COLEC11: variants seen among roughly 807,000 people sequenced by gnomAD.
The protein encoded by COLEC11 is collectin-11.
A neutral mutation model predicts 27.3 loss-of-function variants in COLEC11; 20 were observed. The ratio of observed to expected loss-of-function variants is 0.73; its 90% confidence interval spans 0.51 to 1.06. COLEC11 has a LOEUF of 1.06. Among genes scored for constraint, COLEC11 ranks in the 50% least tolerant of loss-of-function variants. COLEC11 has a pLI of 0.00. For synonymous variants in COLEC11, 163 were observed against 154.7 expected, an observed-to-expected ratio of 1.05 and a Z score of -0.40; for missense variants, 310 against 383.0, an observed-to-expected ratio of 0.81 and a Z score of 1.59.
chr2:3,624,032 C>A (rs970702141), intron 3 of COLEC11, among the ~76,000 whole-genome samples: 1 of 152,184 alleles, frequency 6.6e-6, no homozygotes, highest in Non-Finnish European at 1.5e-5. Flanking sequence ...TGTGGATGCA[C>A]CTGCTCCACA....
chr2:3,634,877 G>C (rs1456253340), intron 3 of COLEC11, among the ~76,000 whole-genome samples: 1 of 151,094 alleles, frequency 6.6e-6, no homozygotes, highest in Non-Finnish European at 1.5e-5. Context: ...ACCTGGTCCC[G>C]GCCCTGCCCA....
At chr2:3,622,300 C>T (rs2147912109) in intron 3 of COLEC11, among the ~76,000 whole-genome samples, 1 of 152,212 alleles carries the variant, frequency 6.6e-6, no homozygotes, top group African/African-American at 2.4e-5. Flanking sequence ...TGCACTCCAG[C>T]CTGGGTGAGA....
intron 3 of COLEC11, among the ~76,000 whole-genome samples, chr2:3,626,684 G>GT (rs1261576135): frequency 2.6e-5 from 4 of 152,246 alleles, no homozygotes; most frequent in African/African-American, 9.6e-5. Flanking sequence ...TCCGTCAGCT[G>GT]TAAGTGCTCT....
At chr2:3,615,068 T>G (rs930223144) in intron 3 of COLEC11, among the ~76,000 whole-genome samples, 2 of 152,140 alleles carry the variant, frequency 1.3e-5, no homozygotes, top group African/African-American at 2.4e-5. Context: ...GTACCTCATA[T>G]GCACCCTTTC....
At chr2:3,595,758 A>C (rs560061597) in intron 1 of COLEC11, among the ~76,000 whole-genome samples, 1 of 152,336 alleles carries the variant, frequency 6.6e-6, no homozygotes, top group Non-Finnish European at 1.5e-5. Flanking sequence ...AAAGGAGGAA[A>C]GTTTCCTAGG....
At chr2:3,614,904 T>A (rs1663534759) in intron 3 of COLEC11, among the ~76,000 whole-genome samples, 1 of 152,210 alleles carries the variant, frequency 6.6e-6, no homozygotes, top group African/African-American at 2.4e-5. Flanking sequence ...CCGAATAACA[T>A]CAGTCTTCCC....
At chr2:3,623,548 T>G (rs147457458) in intron 3 of COLEC11, among the ~76,000 whole-genome samples, 6 of 152,276 alleles carry the variant, frequency 3.9e-5, no homozygotes, top group Admixed American at 3.9e-4. Flanking sequence ...AGCTCACATA[T>G]TCTTTCTTTT....
At chr2:3,625,560 CAG>C (rs1664486324) in intron 3 of COLEC11, among the ~76,000 whole-genome samples, 1 of 150,950 alleles carries the variant, frequency 6.6e-6, no homozygotes. Flanking sequence ...GTTTAGCACT[CAG>C]GGGTCTACTC....
At chr2:3,641,015 GACACCCACCCACC>G in intron 5 of COLEC11, among the ~76,000 whole-genome samples, 1 of 94,406 alleles carries the variant, frequency 1.1e-5, no homozygotes, top group Middle Eastern at 6.8e-3. Flanking sequence ...CCCCACGGTG[GACACCCACCCACC>G]ATGTAGACCC....
chr2:3,638,401 G>T (rs1665594886), intron 4 of COLEC11, among the ~76,000 whole-genome samples: 1 of 152,176 alleles, frequency 6.6e-6, no homozygotes, highest in South Asian at 2.1e-4. Flanking sequence ...GTCTCCTTGG[G>T]GTCCCGCACA....
rs1662452883 is a variant in COLEC11, at chr2:3,604,217, C to T, written c.-26-98C>T. 9 of 1,364,310 alleles carry T rather than the reference C, an allele frequency of 6.6e-6. 1 individual carries two copies. In the South Asian group the frequency reaches 1.1e-4, roughly 17 times the overall value. The allele number at this position is 1,364,310 out of a possible 1,614,324, so 84.5% of individuals were successfully genotyped here. A position where few individuals can be genotyped will look rare whatever the true frequency, so the allele number is the denominator to read the frequency against. ...GGGGCCCAGACAGCCCTTCCAGGCA[C>T]CAGGAGGGCTACACCCCTTGCCTCC... On this transcript the variant is annotated intron_variant, in intron 1 of 6. Transcript: ENST00000349077.
chr2:3,639,596 C>T (rs1665697270), intron 4 of COLEC11, among the ~76,000 whole-genome samples: 1 of 152,208 alleles, frequency 6.6e-6, no homozygotes, highest in South Asian at 2.1e-4. Flanking sequence ...TGCATTAGAA[C>T]TTATTTCTAT....
At chr2:3,617,527 A>C (rs1663852672) in intron 3 of COLEC11, 4 of 1,532,058 alleles carry the variant, frequency 2.6e-6, no homozygotes, top group Non-Finnish European at 3.6e-6. Context: ...TATACAGTGC[A>C]TATTGGCGGC....
chr2:3,614,504 A>G (rs965231087), intron 3 of COLEC11, among the ~76,000 whole-genome samples: 4 of 151,938 alleles, frequency 2.6e-5, no homozygotes, highest in Admixed American at 6.6e-5. Flanking sequence ...CCTCGCCCGT[A>G]CCCCTCATCC....
chr2:3,616,091 C>A (rs1194581601), intron 3 of COLEC11, among the ~76,000 whole-genome samples: 1 of 150,354 alleles, frequency 6.7e-6, no homozygotes, highest in African/African-American at 2.5e-5. Flanking sequence ...GGGTGGCGGT[C>A]GGGCAGAGAC....
At chr2:3,595,405 G>A (rs190861557) in intron 1 of COLEC11, among the ~76,000 whole-genome samples, 2 of 152,344 alleles carry the variant, frequency 1.3e-5, no homozygotes, top group African/African-American at 4.8e-5. Context: ...GATGGGATCC[G>A]ACCCATGAGA....
intron 1 of COLEC11, among the ~76,000 whole-genome samples, chr2:3,600,997 C>A (rs1028304223): frequency 1.4e-4 from 22 of 152,164 alleles, no homozygotes; most frequent in African/African-American, 5.3e-4. Context: ...TCAGAAGAGT[C>A]GGGAGCCCCC....
chr2:3,604,400 G>A lies in COLEC11; in HGVS notation c.60G>A (p.Leu20=). Residue 20 remains leucine (L), a synonymous_variant, in exon 2 of 7, where the codon CTG becomes CTA. Transcript: ENST00000349077. ...VLISLAFLSL[L]PSGHPQPAGD... is the part of the protein sequence containing the mutation. ...TCAGCCTGGCCTTCCTGTCACTGCT[G>A]CCATCTGGACATCCTCAGCCGGCTG... 1 of 1,614,228 alleles carries A rather than the reference G, an allele frequency of 6.2e-7. No individual in the cohort carries two copies. The highest frequency in any genetic ancestry group is 8.5e-7 in the Non-Finnish European group (1 of 1,180,038).
intron 3 of COLEC11, among the ~76,000 whole-genome samples, chr2:3,613,976 C>CTTTTTTT (rs1461288131): frequency 1.3e-4 from 12 of 91,312 alleles, no homozygotes; most frequent in African/African-American, 4.2e-4. Context: ...TTCTTTCTTT[C>CTTTTTTT]TTTCTTTTTT....
Sources: allele counts gnomAD v4.1 joint callset (sites outside exome capture counted in the v4.1 genomes callset), GRCh38; gene constraint gnomAD v4.1.1; transcripts MANE v1.5; gene names NCBI Gene and HGNC (gene_info 2026-07-23, HGNC 2026-07-21).